The following PHF21B variants were observed in gnomAD, a reference collection of about 807,000 sequenced individuals.
The protein encoded by PHF21B is PHD finger protein 4.
Under a neutral mutation model 62.2 loss-of-function variants are expected in PHF21B, and 22 were observed. That is an observed-to-expected ratio of 0.35 (90% confidence interval 0.25 to 0.51). The LOEUF (loss-of-function observed/expected upper bound fraction) is 0.51. Among genes scored for constraint, PHF21B ranks in the 20% least tolerant of loss-of-function variants. The pLI is 0.97. For synonymous variants in PHF21B, 341 were observed against 314.7 expected (o/e 1.08, Z -0.88); for missense variants, 701 against 707.9 (o/e 0.99, Z 0.11).
chr22:44,976,011 A>T (rs942860940), intron 2 of PHF21B, among the ~76,000 whole-genome samples: 1 of 152,128 alleles, frequency 6.6e-6, no homozygotes, highest in Non-Finnish European at 1.5e-5. Flanking sequence ...CTACAAAAAA[A>T]TTCAAAAAAT....
intron 2 of PHF21B, among the ~76,000 whole-genome samples, chr22:44,994,552 A>G (rs1018861748): frequency 6.6e-6 from 1 of 152,182 alleles, no homozygotes; most frequent in Non-Finnish European, 1.5e-5. Context: ...GAATTCTGCT[A>G]TTTTACGCTG....
At chr22:45,007,429 G>A (rs961662838) in intron 2 of PHF21B, among the ~76,000 whole-genome samples, 15 of 150,396 alleles carry the variant, frequency 1.0e-4, no homozygotes, top group Admixed American at 9.9e-4. Flanking sequence ...GTGGGAGCGC[G>A]GGGGCAGGCC....
chr22:44,893,565 T>A lies in PHF21B; in HGVS notation c.884-32A>T, dbSNP rs1269745833. ...AGGCACAGACACAGCAGTTACTGGG[T>A]CCTGCCTGCCCTGGGAACCCCAAAT... is the stretch of plus-strand genomic sequence containing the variant. On this transcript the variant is annotated intron_variant, in intron 6 of 12. Transcript: ENST00000313237. 3.8e-6 allele frequency: 6 copies of A among 1,571,556 alleles called. 1 individual carries two copies. In the South Asian group the frequency reaches 7.0e-5, roughly 18 times the overall value.
At chr22:44,970,659 C>T (rs939680506) in intron 2 of PHF21B, among the ~76,000 whole-genome samples, 1 of 152,170 alleles carries the variant, frequency 6.6e-6, no homozygotes, top group South Asian at 2.1e-4. Flanking sequence ...GGTCAAAGCT[C>T]GCCGAACTGC....
At chr22:44,993,416 G>A (rs974225311) in intron 2 of PHF21B, among the ~76,000 whole-genome samples, 4 of 152,180 alleles carry the variant, frequency 2.6e-5, no homozygotes, top group Non-Finnish European at 4.4e-5. Flanking sequence ...CCACCACAGC[G>A]GCACCGGCTC....
rs774695550 is a variant in PHF21B, at chr22:44,991,190, A to T, written c.120+17355T>A. Reference sequence around the variant, plus strand: ...TTAGCATTTGTGCACCAAGGGGATTAAGTTCAAATGAGGAAACCCTCCTTG... The same window carrying T: ...TTAGCATTTGTGCACCAAGGGGATTTAGTTCAAATGAGGAAACCCTCCTTG... On this transcript the variant is annotated intron_variant, in intron 2 of 12. Coordinates refer to ENST00000313237, the MANE Select transcript of PHF21B (RefSeq NM_138415.5). Among the ~76,000 whole-genome samples the T allele has an allele frequency of 2.0e-5, 3 of 152,250 alleles. No individual in the cohort carries two copies. In the East Asian group the frequency reaches 5.8e-4, roughly 29 times the overall value.
chr22:44,909,882 C>T (rs901663348), intron 5 of PHF21B, among the ~76,000 whole-genome samples: 1 of 152,246 alleles, frequency 6.6e-6, no homozygotes, highest in Admixed American at 6.5e-5. Flanking sequence ...TCTCCCTTTG[C>T]CCTCATCTCC....
intron 10 of PHF21B, among the ~76,000 whole-genome samples, chr22:44,887,705 A>G (rs1278212570): frequency 2.0e-5 from 3 of 148,906 alleles, no homozygotes; most frequent in Non-Finnish European, 3.0e-5. Context: ...CAATGACCCG[A>G]GACTGTGCCA....
rs930651761 is a variant in PHF21B, at chr22:44,951,891, C to G, written c.121-31401G>C. ...CATCTCACTTTTCCTTGCCTTTTGT[C>G]CTTTATTACCTCAAATTTCTTTTGG... is the stretch of plus-strand genomic sequence containing the variant. On this transcript the variant is annotated intron_variant, in intron 2 of 12. Coordinates refer to ENST00000313237, the MANE Select transcript of PHF21B (RefSeq NM_138415.5). Among the ~76,000 whole-genome samples the G allele has an allele frequency of 5.9e-5, 9 of 152,246 alleles. 1 individual carries two copies.
chr22:44,987,525 C>T (rs1043401643), intron 2 of PHF21B, among the ~76,000 whole-genome samples: 2 of 152,136 alleles, frequency 1.3e-5, no homozygotes, highest in African/African-American at 2.4e-5. Context: ...CTCAAGCTTA[C>T]GAAACTAACA....
intron 2 of PHF21B, among the ~76,000 whole-genome samples, chr22:44,935,592 C>A (rs988670994): frequency 6.6e-6 from 1 of 150,534 alleles, no homozygotes; most frequent in Admixed American, 6.7e-5. Flanking sequence ...CTAGCCTGGG[C>A]GACAGAGCAA....
At chr22:44,951,186 T>C (rs577026618) in intron 2 of PHF21B, among the ~76,000 whole-genome samples, 77 of 152,350 alleles carry the variant, frequency 5.1e-4, no homozygotes, top group Middle Eastern at 3.4e-3. Flanking sequence ...ACCTCTCTGC[T>C]AATGCTTATC....
intron 9 of PHF21B, 74 bp downstream of exon 9, chr22:44,889,686 A>G: frequency 6.6e-7 from 1 of 1,518,590 alleles, no homozygotes; most frequent in South Asian, 1.3e-5. Context: ...TCTTTCCAGG[A>G]GGGACCCTAT....
At chr22:44,890,795 A>G (rs911128498) in intron 8 of PHF21B, among the ~76,000 whole-genome samples, 1 of 152,262 alleles carries the variant, frequency 6.6e-6, no homozygotes, top group Non-Finnish European at 1.5e-5. Flanking sequence ...ATCTGGCCCA[A>G]TGCCTTGTAC....
intron 2 of PHF21B, among the ~76,000 whole-genome samples, chr22:44,958,504 A>G (rs891811385): frequency 1.3e-5 from 2 of 149,830 alleles, no homozygotes; most frequent in South Asian, 2.1e-4. Context: ...AGATTTTCCA[A>G]TTTTCTCAAC....
intron 5 of PHF21B, among the ~76,000 whole-genome samples, chr22:44,897,669 T>C (rs1473293122): frequency 1.3e-5 from 2 of 152,214 alleles, no homozygotes; most frequent in Non-Finnish European, 2.9e-5. Flanking sequence ...GGCTTATTTA[T>C]TGTAGTTTCA....
chr22:44,977,205 C>T (rs1458312226), intron 2 of PHF21B, among the ~76,000 whole-genome samples: 1 of 151,784 alleles, frequency 6.6e-6, no homozygotes, highest in Non-Finnish European at 1.5e-5. Flanking sequence ...CAGGTAACTA[C>T]TACTATTTTG....
intron 2 of PHF21B, among the ~76,000 whole-genome samples, chr22:44,947,131 T>C (rs2072089820): frequency 1.3e-5 from 2 of 152,194 alleles, no homozygotes; most frequent in South Asian, 4.1e-4. Flanking sequence ...GCAGAGCCCT[T>C]CCCCATGAGA....
intron 5 of PHF21B, among the ~76,000 whole-genome samples, chr22:44,912,070 C>A (rs531774137): frequency 6.6e-6 from 1 of 152,260 alleles, no homozygotes; most frequent in African/African-American, 2.4e-5. Flanking sequence ...AGATTTCGGA[C>A]TTGCATGGGG....
Sources: gnomAD v4.1 joint callset for allele counts (sites outside exome capture counted in the v4.1 genomes callset) on GRCh38, gnomAD v4.1.1 for gene constraint, MANE v1.5 for transcripts, NCBI Gene and HGNC (gene_info 2026-07-23, HGNC 2026-07-21) for gene names.